Variants in SMG1 observed in about 807,000 individuals in gnomAD.
The protein encoded by SMG1 is SMG1 nonsense mediated mRNA decay associated PI3K related kinase.
A neutral mutation model predicts 419.9 loss-of-function variants in SMG1; 22 were observed. The observed-to-expected ratio is 0.05, with a 90% CI of 0.04 to 0.07. The LOEUF is 0.07. SMG1 is among the 10% of genes least tolerant of loss of function. The probability of loss-of-function intolerance (pLI) is 1.00; values close to 1 mark genes in which losing one functional copy is unlikely to be tolerated. For synonymous variants in SMG1, 1,538 were observed against 1,553.5 expected (o/e 0.99, Z 0.23); for missense variants, 3,185 against 4,342.0 (o/e 0.73, Z 7.49).
At chr16:18,922,982 T>G (rs561979137) in intron 1 of SMG1, among the ~76,000 whole-genome samples, 1 of 152,272 alleles carries the variant, frequency 6.6e-6, no homozygotes, top group South Asian at 2.1e-4. Context: ...TTGTGGATGC[T>G]GAGGCAGGAG....
At chr16:18,923,019 A>C (rs1279588566) in intron 1 of SMG1, among the ~76,000 whole-genome samples, 1 of 152,154 alleles carries the variant, frequency 6.6e-6, no homozygotes, top group Non-Finnish European at 1.5e-5. Context: ...TCGAGACTGC[A>C]GTAAGCCAAG....
At chr16:18,883,802 C>T (rs2036504486) in intron 9 of SMG1, among the ~76,000 whole-genome samples, 1 of 151,866 alleles carries the variant, frequency 6.6e-6, no homozygotes, top group East Asian at 1.9e-4. Flanking sequence ...ACCTGTAATT[C>T]CAGCTACTCG....
chr16:18,906,475 C>A (rs1440738367), intron 1 of SMG1, among the ~76,000 whole-genome samples: 1 of 151,892 alleles, frequency 6.6e-6, no homozygotes, highest in African/African-American at 2.4e-5. Flanking sequence ...ATAATAAGAG[C>A]GAAACTCCGT....
At chr16:18,913,838 C>T (rs180752173) in intron 1 of SMG1, among the ~76,000 whole-genome samples, 157 of 152,000 alleles carry the variant, frequency 1.0e-3, no homozygotes, top group Middle Eastern at 3.4e-3. Context: ...TTAGGAAGTT[C>T]GGTAACAAAA....
At position 18,832,987 on chromosome 16, in the gene SMG1, A is replaced by T. The variant is rs1439388764; in HGVS notation, c.8745T>A (p.Ala2915=). 1 of 1,613,968 alleles carries T rather than the reference A, an allele frequency of 6.2e-7. No homozygotes were observed. The highest frequency in any genetic ancestry group is 8.5e-7 in the Non-Finnish European group (1 of 1,179,886). The change falls in exon 51 of 63, where the codon GCT becomes GCA. Residue 2915 remains alanine (A), a synonymous_variant. Transcript: ENST00000446231. ...ESLQAYLRNA[A]MGLEEETHAH... is the part of the protein sequence containing the mutation. ...CATGTGTTTCTTCTTCCAGTCCCAT[A>T]GCTGCGTTTCTTAAGTAGGCCTGAA... is the stretch of plus-strand genomic sequence containing the variant.
intron 19 of SMG1, 26 bp from the exon 20 acceptor site, chr16:18,869,329 A>G (rs2035687611): frequency 6.4e-7 from 1 of 1,573,262 alleles, no homozygotes; most frequent in Non-Finnish European, 8.7e-7. Flanking sequence ...TCATATTTAA[A>G]AGACAATGAC....
rs368233131 is a variant in SMG1 at position 18,847,617 on chromosome 16, C to T, written c.5842-10G>A. 17 of 1,613,804 alleles carry T rather than the reference C, an allele frequency of 1.1e-5. No individual in the cohort carries two copies. Among genetic ancestry groups the T allele is most frequent in the Non-Finnish European group, 1.4e-5 (16 of 1,179,890 alleles). On this transcript the variant is annotated splice_polypyrimidine_tract_variant and intron_variant, in intron 37 of 62. Coordinates refer to ENST00000446231, the MANE Select transcript of SMG1 (RefSeq NM_015092.5). ...CCACGAGCATCTGAACCTGCATACA[C>T]AGCACACCCAAATAGCTCATCTACA...
At position 18,842,445 on chromosome 16, in the gene SMG1, T is replaced by C. The variant is rs747716050; in HGVS notation, c.6229A>G (p.Ser2077Gly). The C allele has an allele frequency of 2.4e-5, 39 of 1,613,412 alleles. No individual in the cohort carries two copies. Among genetic ancestry groups the C allele is most frequent in the Non-Finnish European group, 3.2e-5 (38 of 1,179,600 alleles). ...CGTTTCTGTGCTCTCTGTTGCAAAC[T>C]TAGCATTATCTATATTCATAAGATG... is the stretch of plus-strand genomic sequence containing the variant. ...SWIPFKEIML[S>G]LQQRAQKRAS... is the part of the protein sequence containing the mutation. Residue 2077 changes from serine to glycine, a missense_variant, in exon 40 of 63, where the codon AGT becomes GGT. Transcript: ENST00000446231.
rs545547425 is a variant in SMG1 at position 18,844,647 on chromosome 16, G to A, written c.6219+782C>T. On this transcript the variant is annotated intron_variant, in intron 39 of 62. Transcript: ENST00000446231. ...ATCCTTCATGTTAGTTTTCTTTCTT[G>A]TACTTCTAGCTATTTGCTCTGAATT... 3.6e-4 allele frequency among the ~76,000 whole-genome samples: 54 copies of A among 148,830 alleles called. No homozygotes were observed. In the South Asian group the frequency reaches 0.011, roughly 30 times the overall value.
chr16:18,905,800 C>CG (rs1291122359), intron 1 of SMG1, among the ~76,000 whole-genome samples: 1 of 151,836 alleles, frequency 6.6e-6, no homozygotes, highest in East Asian at 1.9e-4. Flanking sequence ...TTAGTAGAGA[C>CG]GGGGTTTCAC....
At chr16:18,883,085 C>T (rs1029893880) in intron 9 of SMG1, among the ~76,000 whole-genome samples, 10 of 152,088 alleles carry the variant, frequency 6.6e-5, no homozygotes, top group Non-Finnish European at 1.0e-4. Flanking sequence ...GTAAACAAAT[C>T]AGTACAGCTA....
intron 1 of SMG1, among the ~76,000 whole-genome samples, chr16:18,916,518 A>G (rs796328962): frequency 2.4e-4 from 32 of 130,686 alleles, no homozygotes; most frequent in African/African-American, 3.5e-4. Flanking sequence ...CATCTCAAAA[A>G]AAAAAAAAAA....
In SMG1 at chr16:18,859,134, G is replaced by A. The variant is rs2035075855; in HGVS notation, c.4001C>T (p.Pro1334Leu). The A allele has an allele frequency of 6.5e-7, 1 of 1,532,590 alleles. No individual in the cohort carries two copies. Among genetic ancestry groups the A allele is most frequent in the East Asian group, 2.4e-5 (1 of 41,324 alleles). 94.9% of individuals were successfully genotyped at this position (1,532,590 alleles called of 1,614,324 possible). A position where few individuals can be genotyped will look rare whatever the true frequency, so the allele number is the denominator to read the frequency against. The change falls in exon 28 of 63, where the codon CCT (proline) becomes CTT (leucine). Residue 1334 changes from proline (P) to leucine (L), a missense_variant. Physicochemically the swap from Pro to Leu is moderately conservative, Grantham distance 98. Around this residue, in one of 27 missense-constraint regions of SMG1, gnomAD observed 120 missense variants for 193.3 expected, o/e 0.62. Coordinates refer to ENST00000446231, the MANE Select transcript of SMG1 (RefSeq NM_015092.5). ...AACTGTTAAAGTAGAAAGTCTCAGA[G>A]GTCCAATAGCGATGCGGGATGTTTG... ...LKQTSRIAIG[P>L]LRLSTLTVSQ...
At chr16:18,827,316 C>G (rs1032793538) in intron 55 of SMG1, among the ~76,000 whole-genome samples, 1 of 151,710 alleles carries the variant, frequency 6.6e-6, no homozygotes, top group Non-Finnish European at 1.5e-5. Flanking sequence ...GTCCCAGCTA[C>G]TTCAGAGGCT....
Position 18,882,148 on chromosome 16 carries a change from T to A in SMG1, c.1293+17A>T, listed in dbSNP as rs1320468957. 1 of 1,516,288 alleles carries A rather than the reference T, an allele frequency of 6.6e-7. No individual in the cohort carries two copies. Among genetic ancestry groups the A allele is most frequent in the Non-Finnish European group, 8.8e-7 (1 of 1,130,612 alleles). 93.9% of individuals were successfully genotyped at this position (1,516,288 alleles called of 1,614,324 possible). A position where few individuals can be genotyped will look rare whatever the true frequency, so the allele number is the denominator to read the frequency against. ...TTTTATTTTTGAATGACACTTGAAA[T>A]GCCCAAAAGCACTTACATCTGTTAC... is the stretch of plus-strand genomic sequence containing the variant. On this transcript the variant is annotated intron_variant, in intron 10 of 62. Transcript: ENST00000446231.
chr16:18,885,418 C>G (rs778292675), intron 7 of SMG1, 123 bp downstream of exon 7: 3 of 1,279,096 alleles, frequency 2.3e-6, no homozygotes, highest in Non-Finnish European at 3.4e-6. Flanking sequence ...ACCCTGGAAC[C>G]TCAAATATCA....
intron 25 of SMG1, 34 bp downstream of exon 25, chr16:18,863,616 A>G (rs2035327101): frequency 1.3e-6 from 2 of 1,560,960 alleles, no homozygotes; most frequent in Non-Finnish European, 1.7e-6. Context: ...AGTTATTGGA[A>G]ATTTGTTTTA....
intron 57 of SMG1, 39 bp from the exon 58 acceptor site, chr16:18,816,568 C>G (rs751408447): frequency 2.6e-6 from 4 of 1,544,570 alleles, no homozygotes; most frequent in Non-Finnish European, 3.6e-6. Flanking sequence ...CGAGTATCAG[C>G]TGAAATAATG....
rs1234597287 is a variant in SMG1, at chr16:18,868,378, C to G, written c.3031-24G>C. On this transcript the variant is annotated intron_variant, in intron 21 of 62. Coordinates refer to ENST00000446231, the MANE Select transcript of SMG1 (RefSeq NM_015092.5). Reference sequence around the variant, plus strand: ...ACCTTTACGATAAGAGAAAGAAAAGCTCAGGACTGGTTCAATTTGTAGGTA... The same window carrying G: ...ACCTTTACGATAAGAGAAAGAAAAGGTCAGGACTGGTTCAATTTGTAGGTA... The G allele has an allele frequency of 2.1e-5, 25 of 1,168,506 alleles. No homozygotes were observed. The East Asian group carries it at 5.9e-4, about 27-fold the overall frequency. The allele number at this position is 1,168,506 out of a possible 1,614,324, so 72.4% of individuals were successfully genotyped here.
Sources: allele counts gnomAD v4.1 joint callset (sites outside exome capture counted in the v4.1 genomes callset), GRCh38; gene constraint gnomAD v4.1.1; regional missense constraint gnomAD v4.1.1; transcripts MANE v1.5; gene names NCBI Gene and HGNC (gene_info 2026-07-23, HGNC 2026-07-21).